Variants in CFAP54 observed in about 807,000 individuals in gnomAD.
CFAP54 encodes the protein cilia- and flagella-associated protein 54.
CFAP54 carries 290 observed loss-of-function variants against 370.4 expected under a neutral mutation model. That is an observed-to-expected ratio of 0.78 (90% CI 0.71 to 0.86). The LOEUF (loss-of-function observed/expected upper bound fraction) is 0.86, where lower values mean the gene tolerates loss of function less well. Ranked by LOEUF, CFAP54 falls within the 40% of genes least tolerant of loss-of-function variation. The pLI is 0.00. For synonymous variants in CFAP54, 1,206 were observed against 1,236.5 expected, an observed-to-expected ratio of 0.98 and a Z score of 0.52; for missense variants, 3,399 against 3,528.7, an observed-to-expected ratio of 0.96 and a Z score of 0.93.
Position 96,651,657 on chromosome 12 carries a change from C to T in CFAP54, c.4942C>T (p.Gln1648Ter), listed in dbSNP as rs766628943. 1.9e-6 allele frequency: 3 copies of T among 1,614,018 alleles called. No homozygotes were observed. Among genetic ancestry groups the T allele is most frequent in the Non-Finnish European group, 2.5e-6 (3 of 1,180,026 alleles). Residue 1648 changes from glutamine (Q) to a stop codon, truncating the protein, a stop_gained, in exon 36 of 68, where the codon CAG becomes TAG. Coordinates refer to ENST00000524981, the MANE Select transcript of CFAP54 (RefSeq NM_001306084.2). LOFTEE classifies it high-confidence loss of function. The part of the protein sequence containing the change: ...NCCRALWNFT[Q>*]ELQILLKQAV... ...CTGTCGGGCCTTATGGAACTTTACT[C>T]AGGAACTACAAATACTTCTTAAACA... is the stretch of plus-strand genomic sequence containing the variant.
chr12:96,782,699 A>G (rs1194486062), intron 60 of CFAP54, among the ~76,000 whole-genome samples: 1 of 152,176 alleles, frequency 6.6e-6, no homozygotes, highest in Non-Finnish European at 1.5e-5. Context: ...TCAGTAGTTC[A>G]GTAGTTTTAT....
chr12:96,498,055 A>G (rs1184452142), intron 1 of CFAP54, among the ~76,000 whole-genome samples: 1 of 152,214 alleles, frequency 6.6e-6, no homozygotes, highest in Non-Finnish European at 1.5e-5. Flanking sequence ...CAACAAACTG[A>G]TCTTTGGCAA....
chr12:96,861,797 T>C (rs1373323041), intron 67 of CFAP54, among the ~76,000 whole-genome samples: 2 of 152,158 alleles, frequency 1.3e-5, no homozygotes, highest in Non-Finnish European at 2.9e-5. Context: ...AATAATAGAG[T>C]GCTGGGAGCA....
intron 38 of CFAP54, among the ~76,000 whole-genome samples, chr12:96,659,908 GC>G (rs1592694036): frequency 6.6e-6 from 1 of 152,158 alleles, no homozygotes; most frequent in East Asian, 1.9e-4. Context: ...TGGTAACCTT[GC>G]CTCCTGCATA....
At position 96,679,692 on chromosome 12, in the gene CFAP54, C is replaced by T. The variant is rs542168423; in HGVS notation, c.5656C>T (p.His1886Tyr). The T allele has an allele frequency of 6.2e-6, 10 of 1,613,782 alleles. No individual in the cohort carries two copies. In the African/African-American group the frequency reaches 1.1e-4, roughly 17 times the overall value. ...AGAGACACTGGAAAAATCCAAATAC[C>T]ATAACAGATCAATCCGACACAGCAG... ...FRETLEKSKY[H>Y]NRSIRHSRKL... The change falls in exon 40 of 68, where the codon CAT (histidine) becomes TAT (tyrosine). Residue 1886 changes from histidine to tyrosine, a missense_variant. Transcript: ENST00000524981.
intron 46 of CFAP54, among the ~76,000 whole-genome samples, chr12:96,703,801 T>TG (rs1416197078): frequency 6.6e-6 from 1 of 152,136 alleles, no homozygotes; most frequent in Non-Finnish European, 1.5e-5. Flanking sequence ...ACAATGTGGG[T>TG]GGGAGTGTAA....
At chr12:96,573,586 C>G (rs765411649) in intron 19 of CFAP54, among the ~76,000 whole-genome samples, 1 of 152,174 alleles carries the variant, frequency 6.6e-6, no homozygotes, top group Non-Finnish European at 1.5e-5. Flanking sequence ...CTTTTACGGC[C>G]TTTTATGACA....
At chr12:96,507,692 G>A (rs1005094806) in intron 4 of CFAP54, among the ~76,000 whole-genome samples, 3 of 152,082 alleles carry the variant, frequency 2.0e-5, no homozygotes, top group Non-Finnish European at 4.4e-5. Context: ...TTTTTAAAAG[G>A]AAAATATTGA....
intron 1 of CFAP54, among the ~76,000 whole-genome samples, chr12:96,493,659 G>A (rs1349956937): frequency 2.0e-5 from 3 of 152,134 alleles, no homozygotes; most frequent in Non-Finnish European, 2.9e-5. Flanking sequence ...TTAGTCGGGC[G>A]TGGTGGTGGG....
At chr12:96,758,315 A>G (rs1037051469) in intron 58 of CFAP54, among the ~76,000 whole-genome samples, 3 of 152,190 alleles carry the variant, frequency 2.0e-5, no homozygotes, top group Non-Finnish European at 2.9e-5. Context: ...TAACGGACTC[A>G]TAGTTCCATG....
intron 8 of CFAP54, among the ~76,000 whole-genome samples, chr12:96,523,734 A>G (rs985498615): frequency 6.6e-6 from 1 of 151,974 alleles, no homozygotes; most frequent in Non-Finnish European, 1.5e-5. Flanking sequence ...GAGCAACCAA[A>G]TTTAAATATC....
intron 66 of CFAP54, among the ~76,000 whole-genome samples, chr12:96,840,863 G>C (rs568209923): frequency 6.6e-6 from 1 of 151,984 alleles, no homozygotes; most frequent in Non-Finnish European, 1.5e-5. Flanking sequence ...TCCACTTACT[G>C]TTCACTTCTA....
intron 36 of CFAP54, among the ~76,000 whole-genome samples, chr12:96,656,093 G>T (rs145668738): frequency 0.016 from 2,419 of 152,218 alleles, 33 homozygotes; most frequent in South Asian, 0.05. Context: ...TTTTGTAAGT[G>T]TTAGAACTTT....
chr12:96,604,779 A>C (rs1956283375), intron 26 of CFAP54, among the ~76,000 whole-genome samples: 1 of 152,260 alleles, frequency 6.6e-6, no homozygotes, highest in South Asian at 2.1e-4. Context: ...GGGACCTGCC[A>C]AGCCAGGCAT....
intron 66 of CFAP54, among the ~76,000 whole-genome samples, chr12:96,834,879 T>G (rs1025023318): frequency 6.6e-6 from 1 of 152,134 alleles, no homozygotes; most frequent in Non-Finnish European, 1.5e-5. Flanking sequence ...GTGAGCAAGA[T>G]GAAGAGGAGC....
At chr12:96,609,975 A>C (rs1202811758) in intron 26 of CFAP54, among the ~76,000 whole-genome samples, 1 of 152,230 alleles carries the variant, frequency 6.6e-6, no homozygotes, top group African/African-American at 2.4e-5. Flanking sequence ...ATAATATTTA[A>C]ATTTAATACA....
chr12:96,510,129 TATAATCA>T (rs1759518135), intron 4 of CFAP54, among the ~76,000 whole-genome samples: 1 of 151,472 alleles, frequency 6.6e-6, no homozygotes, highest in Non-Finnish European at 1.5e-5. Context: ...GGCGTGTGCC[TATAATCA>T]CAGCTACTTG....
intron 50 of CFAP54, among the ~76,000 whole-genome samples, chr12:96,727,690 T>C (rs946984399): frequency 1.3e-5 from 2 of 152,092 alleles, no homozygotes; most frequent in African/African-American, 4.8e-5. Context: ...AAAGTTAATA[T>C]TGTTATGTGT....
At chr12:96,679,860 C>G (rs1957251608) in intron 40 of CFAP54, 108 bp downstream of exon 40, 1 of 1,052,244 alleles carries the variant, frequency 9.5e-7, no homozygotes, top group Admixed American at 2.2e-5. Flanking sequence ...ACATGCAACA[C>G]TCCCTGATGC....
Sources: gnomAD v4.1 joint callset for allele counts (sites outside exome capture counted in the v4.1 genomes callset) on GRCh38, gnomAD v4.1.1 for gene constraint, MANE v1.5 for transcripts, NCBI Gene and HGNC (gene_info 2026-07-23, HGNC 2026-07-21) for gene names.